The following DCAF6 variants were observed in gnomAD, a reference collection of about 807,000 sequenced individuals.
The protein encoded by DCAF6 is DDB1 and CUL4 associated factor 6, also known as DDB1- and CUL4-associated factor 6.
In DCAF6, 54 loss-of-function variants were observed where a neutral mutation model predicts 125.1. That is an observed-to-expected ratio of 0.43 (90% CI 0.35 to 0.54). The LOEUF (loss-of-function observed/expected upper bound fraction) is 0.54, where lower values mean the gene tolerates loss of function less well. Among genes scored for constraint, DCAF6 ranks in the 20% least tolerant of loss-of-function variants. The pLI is 0.01. For synonymous variants in DCAF6, 371 were observed against 390.4 expected (o/e 0.95, Z 0.58); for missense variants, 934 against 1,161.7 (o/e 0.80, Z 2.85).
chr1:168,020,860 C>T (rs1209338828), intron 11 of DCAF6, among the ~76,000 whole-genome samples: 3 of 151,972 alleles, frequency 2.0e-5, no homozygotes, highest in African/African-American at 7.2e-5. Context: ...AATAATCCTT[C>T]CCAAAGGAGT....
the DCAF6 span, among the ~76,000 whole-genome samples, chr1:167,897,118 G>C: frequency 2.6e-5 from 4 of 151,372 alleles, no homozygotes; most frequent in Admixed American, 1.3e-4. Context: ...AAGATCATGA[G>C]ACACATGTGA....
chr1:168,040,213 A>G (rs148702458), intron 13 of DCAF6, among the ~76,000 whole-genome samples: 2,620 of 152,148 alleles, frequency 0.017, 31 homozygotes, highest in Non-Finnish European at 0.028. Flanking sequence ...GAAAACCAGT[A>G]CAAAGACTCT....
chr1:167,937,510 C>T (rs1671481412), intron 1 of DCAF6, among the ~76,000 whole-genome samples: 2 of 152,032 alleles, frequency 1.3e-5, no homozygotes, highest in African/African-American at 4.8e-5. Flanking sequence ...ACTGTTTTTG[C>T]GGCGCTGAGC....
At chr1:167,876,926 C>T in the DCAF6 span, among the ~76,000 whole-genome samples, 2 of 152,178 alleles carry the variant, frequency 1.3e-5, no homozygotes, top group African/African-American at 4.8e-5. Context: ...AGATGAGACA[C>T]ATAGAGCCAG....
At chr1:168,011,720 G>C (rs940427461) in intron 10 of DCAF6, among the ~76,000 whole-genome samples, 31 of 152,148 alleles carry the variant, frequency 2.0e-4, no homozygotes, top group Non-Finnish European at 3.7e-4. Context: ...GCTCATGCCT[G>C]TAATCCCAGC....
chr1:168,033,549 C>T (rs1221492809), intron 12 of DCAF6, among the ~76,000 whole-genome samples: 1 of 151,900 alleles, frequency 6.6e-6, no homozygotes, highest in Non-Finnish European at 1.5e-5. Flanking sequence ...GATCTTCTGA[C>T]CTCATGATCC....
chr1:168,004,229 G>A (rs1402322400), intron 9 of DCAF6, among the ~76,000 whole-genome samples: 1 of 151,938 alleles, frequency 6.6e-6, no homozygotes, highest in Non-Finnish European at 1.5e-5. Context: ...AAGAATCTGA[G>A]GTTTCCTATT....
chr1:167,924,305 G>C, the DCAF6 span: 1 of 423,234 alleles, frequency 2.4e-6, no homozygotes, highest in East Asian at 3.8e-5. Context: ...CTTATCTAAA[G>C]AGTTCAGAAA....
At chr1:167,905,288 C>A in the DCAF6 span, 7 of 1,006,638 alleles carry the variant, frequency 7.0e-6, no homozygotes, top group Admixed American at 1.9e-5. Flanking sequence ...TTCTAACCTG[C>A]GGCCTGCTTA....
chr1:167,882,485 A>C, the DCAF6 span, among the ~76,000 whole-genome samples: 1 of 71,550 alleles, frequency 1.4e-5, no homozygotes, highest in East Asian at 3.1e-4. Context: ...ATTCCGTCTC[A>C]AAAAAAAAAA....
At position 168,063,659 on chromosome 1, in the gene DCAF6, G is replaced by T; in HGVS notation, c.2339G>T (p.Arg780Leu). The change falls in exon 18 of 22, where the codon CGG becomes CTG. Residue 780 changes from arginine to leucine, a missense_variant. Arg to Leu is a moderately radical substitution (Grantham distance 102). This residue lies in a region of DCAF6 where 559 missense variants were observed against 635.5 expected (regional missense o/e 0.88). Coordinates refer to ENST00000367840, the MANE Select transcript of DCAF6 (RefSeq NM_001198956.2). ...AVARIQEFFR[R>L]RKERKEMEEL... ...GCCCGTATTCAGGAGTTCTTCAGACGGAGAAAAGAAAGGAAAGAAATGGAA... is the reference window on the plus strand; with the variant it reads ...GCCCGTATTCAGGAGTTCTTCAGACTGAGAAAAGAAAGGAAAGAAATGGAA... 2 of 1,601,718 alleles carry T rather than the reference G, an allele frequency of 1.2e-6. No homozygotes were observed.
At chr1:168,013,704 G>A (rs189985552) in intron 10 of DCAF6, among the ~76,000 whole-genome samples, 13 of 151,804 alleles carry the variant, frequency 8.6e-5, no homozygotes, top group Admixed American at 7.9e-4. Context: ...GAATACAGAC[G>A]TGTGTATTAG....
At chr1:167,920,617 A>C in the DCAF6 span, 1 of 1,613,706 alleles carries the variant, frequency 6.2e-7, no homozygotes, top group Non-Finnish European at 8.5e-7. Flanking sequence ...CAGCCAATCC[A>C]GCACACACCA....
the DCAF6 span, among the ~76,000 whole-genome samples, chr1:167,895,276 A>T: frequency 2.0e-5 from 3 of 151,976 alleles, no homozygotes; most frequent in Non-Finnish European, 4.4e-5. Flanking sequence ...AAGACCCAGG[A>T]GATGGCATTA....
In DCAF6 at chr1:168,015,796, C is replaced by T; in HGVS notation, c.1394C>T (p.Pro465Leu). The change falls in exon 11 of 22, where the codon CCT becomes CTT. Residue 465 changes from proline to leucine, a missense_variant. Transcript: ENST00000367840. ...THHQSEFLRG[P>L]EIALLRKRLQ... is the part of the protein sequence containing the mutation. ...TTTGTGTCAGAATTTTTAAGGGGCCCTGAGATAGCTTTGCTTCGTAAGCGC... is the reference window on the plus strand; with the variant it reads ...TTTGTGTCAGAATTTTTAAGGGGCCTTGAGATAGCTTTGCTTCGTAAGCGC... The T allele has an allele frequency of 1.3e-6, 2 of 1,512,164 alleles. No individual in the cohort carries two copies. The highest frequency in any genetic ancestry group is 1.8e-6 in the Non-Finnish European group (2 of 1,126,640). 93.7% of individuals were successfully genotyped at this position (1,512,164 alleles called of 1,614,324 possible). A position where few individuals can be genotyped will look rare whatever the true frequency, so the allele number is the denominator to read the frequency against.
At chr1:168,044,015 T>C (rs1414647810) in intron 14 of DCAF6, among the ~76,000 whole-genome samples, 2 of 152,138 alleles carry the variant, frequency 1.3e-5, no homozygotes, top group East Asian at 3.9e-4. Context: ...AGGGATAGTC[T>C]AAAGCAGAGA....
intron 7 of DCAF6, among the ~76,000 whole-genome samples, chr1:167,996,263 C>CT (rs1283188850): frequency 1.3e-5 from 2 of 151,312 alleles, no homozygotes; most frequent in Non-Finnish European, 2.9e-5. Flanking sequence ...TTTTTCTATC[C>CT]TTTTTTCTTT....
At chr1:167,897,997 CAAAAAAAAAAAAAAAA>C in the DCAF6 span, among the ~76,000 whole-genome samples, 1 of 17,390 alleles carries the variant, frequency 5.8e-5, no homozygotes, top group African/African-American at 3.1e-4. Flanking sequence ...GACTCTGTCT[CAAAAAAAAAAAAAAAA>C]AAAAAAAAAA....
chr1:167,920,079 A>G, the DCAF6 span: 1 of 1,606,324 alleles, frequency 6.2e-7, no homozygotes, highest in South Asian at 1.1e-5. Context: ...GAGTATCTTG[A>G]CCAAATAAAC....
Sources: gnomAD v4.1 joint callset for allele counts (sites outside exome capture counted in the v4.1 genomes callset) on GRCh38, gnomAD v4.1.1 for gene constraint, gnomAD v4.1.1 regional missense constraint, MANE v1.5 for transcripts, NCBI Gene and HGNC (gene_info 2026-07-23, HGNC 2026-07-21) for gene names.